The following CSMD1 variants were observed in gnomAD, a reference collection of about 807,000 sequenced individuals.
CSMD1 encodes the protein CUB and Sushi multiple domains 1, also known as CUB and sushi domain-containing protein 1.
Under a neutral mutation model 417.5 loss-of-function variants are expected in CSMD1, and 213 were observed. The observed-to-expected ratio is 0.51, with a 90% confidence interval of 0.46 to 0.57. The LOEUF is 0.57. CSMD1 is among the 20% of genes least tolerant of loss of function. CSMD1 has a pLI of 0.00. For missense variants in CSMD1, 6,923 were observed against 4,529.7 expected (o/e 1.53, Z -15.17); for synonymous variants, 2,862 against 1,736.8 (o/e 1.65, Z -16.11).
intron 4 of CSMD1, among the ~76,000 whole-genome samples, chr8:4,010,168 C>T (rs1206900761): frequency 6.6e-6 from 1 of 152,130 alleles, no homozygotes; most frequent in East Asian, 1.9e-4. Flanking sequence ...CAATGTTTTA[C>T]ATCTGTAGTC....
At chr8:3,962,321 A>C (rs1420936213) in intron 5 of CSMD1, among the ~76,000 whole-genome samples, 1 of 89,234 alleles carries the variant, frequency 1.1e-5, no homozygotes, top group Non-Finnish European at 2.5e-5. Flanking sequence ...TCCAGCAGTG[A>C]CAGATTATGC....
chr8:4,520,780 A>G (rs1803403260), intron 2 of CSMD1, among the ~76,000 whole-genome samples: 1 of 152,216 alleles, frequency 6.6e-6, no homozygotes. Flanking sequence ...AATATAGATT[A>G]TTGCAATGAA....
intron 23 of CSMD1, among the ~76,000 whole-genome samples, chr8:3,315,162 A>AGTC: frequency 6.6e-6 from 1 of 152,170 alleles, no homozygotes; most frequent in Non-Finnish European, 1.5e-5. Flanking sequence ...CTCTCATGTG[A>AGTC]AAAAAAGGGA....
chr8:3,754,949 T>C (rs1277762968), intron 5 of CSMD1, among the ~76,000 whole-genome samples: 1 of 126,708 alleles, frequency 7.9e-6, no homozygotes, highest in Non-Finnish European at 1.6e-5. Flanking sequence ...AATAAAATTA[T>C]GTTTTAAGAA....
intron 3 of CSMD1, among the ~76,000 whole-genome samples, chr8:4,376,952 C>T (rs1248583222): frequency 6.6e-6 from 1 of 152,148 alleles, no homozygotes; most frequent in Non-Finnish European, 1.5e-5. Flanking sequence ...TTCACTCCTC[C>T]ACTCACCGCA....
At chr8:4,547,767 G>A (rs1404372985) in intron 2 of CSMD1, among the ~76,000 whole-genome samples, 1 of 152,170 alleles carries the variant, frequency 6.6e-6, no homozygotes, top group East Asian at 1.9e-4. Flanking sequence ...GAAAACTCTT[G>A]TACCCTGGAA....
chr8:4,456,945 C>G (rs938915670), intron 2 of CSMD1, among the ~76,000 whole-genome samples: 2 of 148,218 alleles, frequency 1.3e-5, no homozygotes, highest in Non-Finnish European at 3.0e-5. Flanking sequence ...ATGGCAATTC[C>G]TCTGATTTAC....
chr8:3,335,610 G>A (rs1187232775), intron 23 of CSMD1, among the ~76,000 whole-genome samples: 1 of 152,162 alleles, frequency 6.6e-6, no homozygotes, highest in Non-Finnish European at 1.5e-5. Flanking sequence ...CTGAGAGGTG[G>A]AAGTGCAATG....
At chr8:3,706,092 T>G (rs12542947) in intron 7 of CSMD1, among the ~76,000 whole-genome samples, 147,114 of 152,254 alleles carry the variant, frequency 0.97, 71,233 homozygotes, top group Non-Finnish European at 1. Flanking sequence ...GCCTGGCCTG[T>G]GCCTACCTCC....
At chr8:4,371,522 CAA>C (rs1287247312) in intron 3 of CSMD1, among the ~76,000 whole-genome samples, 4 of 152,072 alleles carry the variant, frequency 2.6e-5, no homozygotes, top group African/African-American at 7.2e-5. Flanking sequence ...TTCCCTTATG[CAA>C]AGAGACAATA....
At chr8:4,521,246 A>C (rs1266972221) in intron 2 of CSMD1, among the ~76,000 whole-genome samples, 2 of 152,212 alleles carry the variant, frequency 1.3e-5, no homozygotes, top group African/African-American at 4.8e-5. Context: ...AATGATAGTC[A>C]TAGTGTCATG....
At chr8:4,715,933 G>C (rs1421167723) in intron 1 of CSMD1, among the ~76,000 whole-genome samples, 1 of 152,160 alleles carries the variant, frequency 6.6e-6, no homozygotes, top group African/African-American at 2.4e-5. Context: ...AGCTAAAATT[G>C]TCTTGTAAAT....
At chr8:3,998,450 C>A (rs1815396823) in intron 4 of CSMD1, among the ~76,000 whole-genome samples, 2 of 152,164 alleles carry the variant, frequency 1.3e-5, no homozygotes, top group African/African-American at 4.8e-5. Context: ...GAAGATGACA[C>A]TATGTAAGCA....
chr8:4,312,976 T>G (rs1798714716), intron 3 of CSMD1, among the ~76,000 whole-genome samples: 1 of 152,166 alleles, frequency 6.6e-6, no homozygotes. Flanking sequence ...ACCTGCAAGG[T>G]AAGTTTTGCG....
chr8:4,833,217 G>A (rs888460451), intron 1 of CSMD1, among the ~76,000 whole-genome samples: 2 of 152,182 alleles, frequency 1.3e-5, no homozygotes, highest in African/African-American at 4.8e-5. Context: ...AAGAAAAGTG[G>A]ATTAACTGAC....
chr8:4,953,283 T>A (rs1252680630), intron 1 of CSMD1, among the ~76,000 whole-genome samples: 1 of 152,170 alleles, frequency 6.6e-6, no homozygotes, highest in Non-Finnish European at 1.5e-5. Flanking sequence ...CCTAACTAAA[T>A]CAGTCTTTTA....
intron 3 of CSMD1, among the ~76,000 whole-genome samples, chr8:4,220,101 C>G (rs997160155): frequency 6.6e-6 from 1 of 152,134 alleles, no homozygotes; most frequent in East Asian, 1.9e-4. Flanking sequence ...AGGCACGTGC[C>G]ACCATGCCCA....
intron 3 of CSMD1, among the ~76,000 whole-genome samples, chr8:4,120,101 G>C (rs927914374): frequency 6.6e-6 from 1 of 152,058 alleles, no homozygotes; most frequent in Non-Finnish European, 1.5e-5. Flanking sequence ...TGAGGGGATG[G>C]ACACCCCATT....
intron 4 of CSMD1, among the ~76,000 whole-genome samples, chr8:4,016,463 G>T (rs962981508): frequency 2.0e-5 from 3 of 152,138 alleles, no homozygotes; most frequent in African/African-American, 7.2e-5. Flanking sequence ...CAGGTCTCAG[G>T]CCTCTGCCCA....
Sources: gnomAD v4.1 joint callset for allele counts (sites outside exome capture counted in the v4.1 genomes callset) on GRCh38, gnomAD v4.1.1 for gene constraint, MANE v1.5 for transcripts, NCBI Gene and HGNC (gene_info 2026-07-23, HGNC 2026-07-21) for gene names.